The following DDX10 variants were observed in gnomAD, a reference collection of about 807,000 sequenced individuals.
DDX10 encodes probable ATP-dependent RNA helicase DDX10.
A neutral mutation model predicts 104.3 loss-of-function variants in DDX10; 74 were observed. That is an observed-to-expected ratio of 0.71 (90% CI 0.59 to 0.86). The LOEUF is 0.86. Ranked by LOEUF, DDX10 falls within the 40% of genes least tolerant of loss-of-function variation. DDX10 has a pLI of 0.00. For synonymous variants in DDX10, 351 were observed against 353.4 expected, an observed-to-expected ratio of 0.99 and a Z score of 0.08; for missense variants, 952 against 1,040.0, an observed-to-expected ratio of 0.92 and a Z score of 1.16.
At chr11:108,879,259 C>G (rs1050676202) in intron 16 of DDX10, among the ~76,000 whole-genome samples, 1 of 152,104 alleles carries the variant, frequency 6.6e-6, no homozygotes, top group Non-Finnish European at 1.5e-5. Context: ...CTCGGCCTCC[C>G]AAAGTGCTGA....
At chr11:108,903,996 A>T (rs774149268) in intron 16 of DDX10, among the ~76,000 whole-genome samples, 37 of 151,934 alleles carry the variant, frequency 2.4e-4, no homozygotes, top group Non-Finnish European at 4.1e-4. Context: ...AAGATTTCCT[A>T]TTTTCCAAAG....
chr11:108,769,718 G>A (rs1233843277), intron 13 of DDX10, among the ~76,000 whole-genome samples: 1 of 151,878 alleles, frequency 6.6e-6, no homozygotes, highest in African/African-American at 2.4e-5. Context: ...GTCCCTCCAG[G>A]TCCTATTTTA....
intron 7 of DDX10, chr11:108,690,616 T>C: frequency 6.4e-6 from 1 of 156,326 alleles, no homozygotes; most frequent in Non-Finnish European, 1.4e-5. Context: ...GTGTGGCCAT[T>C]GTAGTCCCCA....
intron 15 of DDX10, among the ~76,000 whole-genome samples, chr11:108,841,737 A>G (rs1167255502): frequency 6.6e-6 from 1 of 152,038 alleles, no homozygotes; most frequent in African/African-American, 2.4e-5. Flanking sequence ...TGTTGTTATT[A>G]TTACAGTTTT....
At chr11:108,677,714 C>G (rs2290950) in intron 4 of DDX10, among the ~76,000 whole-genome samples, 17,817 of 147,298 alleles carry the variant, frequency 0.12, 1,481 homozygotes, top group East Asian at 0.27. Flanking sequence ...TAGAATGCCT[C>G]TATCTGCTAG....
At chr11:108,746,315 G>A (rs1400461967) in intron 13 of DDX10, among the ~76,000 whole-genome samples, 1 of 151,112 alleles carries the variant, frequency 6.6e-6, no homozygotes, top group East Asian at 1.9e-4. Flanking sequence ...TTTTGTAACT[G>A]GATTCTTTCA....
At chr11:108,709,836 T>C (rs1310777974) in intron 10 of DDX10, among the ~76,000 whole-genome samples, 1 of 152,020 alleles carries the variant, frequency 6.6e-6, no homozygotes, top group South Asian at 2.1e-4. Context: ...ACCCCTTTTC[T>C]GTTTCCCAAG....
chr11:108,882,612 T>G (rs1395717667), intron 16 of DDX10, among the ~76,000 whole-genome samples: 3 of 152,148 alleles, frequency 2.0e-5, no homozygotes, highest in African/African-American at 7.2e-5. Flanking sequence ...TAAGGTAATT[T>G]GAAACATGCT....
intron 16 of DDX10, among the ~76,000 whole-genome samples, chr11:108,862,672 A>G (rs1862956407): frequency 6.6e-6 from 1 of 152,216 alleles, no homozygotes; most frequent in Non-Finnish European, 1.5e-5. Context: ...TTTTTAAATA[A>G]GGAGGAGCGT....
chr11:108,852,291 T>C, intron 16 of DDX10, 82 bp downstream of exon 16: 1 of 950,280 alleles, frequency 1.1e-6, no homozygotes, highest in South Asian at 1.8e-5. Flanking sequence ...GCAAGAACAA[T>C]GCTTATAATG....
At chr11:108,909,541 C>G (rs1257758732) in intron 16 of DDX10, among the ~76,000 whole-genome samples, 2 of 151,936 alleles carry the variant, frequency 1.3e-5, no homozygotes, top group African/African-American at 4.8e-5. Flanking sequence ...GTTTAGGCCT[C>G]CATAATAAAT....
At position 108,717,904 on chromosome 11, in the gene DDX10, A is replaced by G. The variant is rs553377562; in HGVS notation, c.1411-1893A>G. Reference sequence around the variant, plus strand: ...CTGGTTGGGGTGGCTCATGCCTATAATCCCAGCACTTTGGGAGGCTGAGGT... The same window carrying G: ...CTGGTTGGGGTGGCTCATGCCTATAGTCCCAGCACTTTGGGAGGCTGAGGT... On this transcript the variant is annotated intron_variant, in intron 11 of 17. Transcript: ENST00000322536. Among the ~76,000 whole-genome samples, 12 of 152,288 alleles carry G rather than the reference A, an allele frequency of 7.9e-5. No homozygotes were observed. The South Asian group carries it at 2.5e-3, about 32-fold the overall frequency.
intron 13 of DDX10, among the ~76,000 whole-genome samples, chr11:108,824,631 C>T (rs560200533): frequency 7.9e-5 from 12 of 152,112 alleles, no homozygotes; most frequent in African/African-American, 2.4e-4. Flanking sequence ...TATCAGGCAC[C>T]GTTTCTCTAA....
intron 13 of DDX10, among the ~76,000 whole-genome samples, chr11:108,806,556 A>G (rs1193631839): frequency 6.6e-6 from 1 of 152,230 alleles, no homozygotes; most frequent in Non-Finnish European, 1.5e-5. Context: ...AGCCACAAAT[A>G]GTAAACAAGT....
chr11:108,799,033 A>C (rs1481406138), intron 13 of DDX10, among the ~76,000 whole-genome samples: 1 of 152,218 alleles, frequency 6.6e-6, no homozygotes, highest in Non-Finnish European at 1.5e-5. Context: ...AATGTAATAA[A>C]GTTCAGGCTC....
chr11:108,872,633 CTT>C (rs1277646531), intron 16 of DDX10, among the ~76,000 whole-genome samples: 1 of 152,120 alleles, frequency 6.6e-6, no homozygotes, highest in Admixed American at 6.5e-5. Context: ...TCTCAACTGA[CTT>C]TTATTATTTC....
chr11:108,795,117 C>A (rs959808142), intron 13 of DDX10, among the ~76,000 whole-genome samples: 12 of 152,088 alleles, frequency 7.9e-5, no homozygotes, highest in African/African-American at 2.9e-4. Flanking sequence ...GTGTGAGCCA[C>A]CACACCTGGC....
chr11:108,790,788 T>C (rs903042192), intron 13 of DDX10, among the ~76,000 whole-genome samples: 1 of 152,244 alleles, frequency 6.6e-6, no homozygotes, highest in Admixed American at 6.5e-5. Flanking sequence ...TCTTAAAATT[T>C]ACCTTAAGGT....
intron 13 of DDX10, among the ~76,000 whole-genome samples, chr11:108,756,712 G>T (rs565438352): frequency 2.6e-5 from 4 of 152,018 alleles, no homozygotes; most frequent in Non-Finnish European, 5.9e-5. Context: ...CTTCATTGCA[G>T]CCTCACTAAA....
Sources: gnomAD v4.1 joint callset for allele counts (sites outside exome capture counted in the v4.1 genomes callset) on GRCh38, gnomAD v4.1.1 for gene constraint, MANE v1.5 for transcripts, NCBI Gene and HGNC (gene_info 2026-07-23, HGNC 2026-07-21) for gene names.